CAMK2B: variants seen among roughly 807,000 people sequenced by gnomAD.
The protein encoded by CAMK2B is calcium/calmodulin dependent protein kinase II beta, also known as calcium/calmodulin-dependent protein kinase type II subunit beta.
Under a neutral mutation model 93.7 loss-of-function variants are expected in CAMK2B, and 27 were observed. The observed-to-expected ratio is 0.29, with a 90% CI of 0.21 to 0.40. The LOEUF (loss-of-function observed/expected upper bound fraction) is 0.40. Ranked by LOEUF, CAMK2B falls within the 10% of genes least tolerant of loss-of-function variation. The pLI is 1.00. For missense variants in CAMK2B, 568 were observed against 895.8 expected, an observed-to-expected ratio of 0.63 and a Z score of 4.67; for synonymous variants, 374 against 358.8, an observed-to-expected ratio of 1.04 and a Z score of -0.48.
intron 1 of CAMK2B, among the ~76,000 whole-genome samples, chr7:44,296,768 T>C (rs539085676): frequency 2.0e-5 from 3 of 152,140 alleles, no homozygotes; most frequent in Non-Finnish European, 4.4e-5. Flanking sequence ...TGGAGTAAAA[T>C]ATCTAAAGTG....
intron 1 of CAMK2B, among the ~76,000 whole-genome samples, chr7:44,284,820 G>A (rs1784617422): frequency 6.6e-6 from 1 of 152,208 alleles, no homozygotes; most frequent in South Asian, 2.1e-4. Flanking sequence ...AAAGCTGGAG[G>A]AGAGGGTCCT....
chr7:44,228,663 G>T, intron 19 of CAMK2B, 133 bp downstream of exon 19: 1 of 829,726 alleles, frequency 1.2e-6, no homozygotes, highest in Admixed American at 3.6e-5. Flanking sequence ...AGCCCCGCCA[G>T]GGCAGGACTC....
rs113959672 is a variant in CAMK2B at position 44,250,807 on chromosome 7, C to T, written c.342-3615G>A. On this transcript the variant is annotated intron_variant, in intron 5 of 23. Coordinates refer to ENST00000395749, the MANE Select transcript of CAMK2B (RefSeq NM_001220.5). ...CCTCCCAGAGTGCTGGGATTACAGG[C>T]GTGAGCCACCGTGCCTGGCCACCAC... Among the ~76,000 whole-genome samples the T allele has an allele frequency of 2.4e-3, 369 of 152,314 alleles. 1 individual carries two copies. Among genetic ancestry groups the T allele is most frequent in the South Asian group, 0.021 (103 of 4,826 alleles).
chr7:44,305,395 G>A (rs1791183775), intron 1 of CAMK2B, among the ~76,000 whole-genome samples: 1 of 152,158 alleles, frequency 6.6e-6, no homozygotes, highest in Non-Finnish European at 1.5e-5. Flanking sequence ...AAGGTGGGAG[G>A]ATTGCTTGAG....
At chr7:44,244,881 C>T (rs1398458954) in intron 6 of CAMK2B, 1 of 454,018 alleles carries the variant, frequency 2.2e-6, no homozygotes, top group Admixed American at 2.4e-5. Flanking sequence ...CCCCCACCTC[C>T]ACCTCCTCGT....
In CAMK2B at chr7:44,226,553, G is replaced by A; in HGVS notation, c.1560C>T (p.Cys520=). ...EGPSPVGPPP[C]PSPTIPGPLP... The stretch of plus-strand genomic sequence containing the variant: ...GGGGGCCAGGGATAGTCGGAGATGG[G>A]CAGGGCGGGGGCCCCACTGGCGAGG... The change falls in exon 20 of 24, where the codon TGC becomes TGT. Residue 520 remains cysteine (C), a synonymous_variant. Coordinates refer to ENST00000395749, the MANE Select transcript of CAMK2B (RefSeq NM_001220.5). 6.8e-7 allele frequency: 1 copy of A among 1,461,976 alleles called. No individual in the cohort carries two copies. Among genetic ancestry groups the A allele is most frequent in the Non-Finnish European group, 9.0e-7 (1 of 1,112,456 alleles). 90.6% of individuals were successfully genotyped at this position (1,461,976 alleles called of 1,614,324 possible). A position where few individuals can be genotyped will look rare whatever the true frequency, so the allele number is the denominator to read the frequency against.
At chr7:44,220,954 A>C in intron 20 of CAMK2B, 53 bp from the exon 21 acceptor site, 1 of 1,456,274 alleles carries the variant, frequency 6.9e-7, no homozygotes, top group Non-Finnish European at 9.4e-7. Context: ...TTCCCCCCGG[A>C]CCCCTCCACA....
Position 44,234,474 on chromosome 7 carries a change from G to A in CAMK2B, c.1060-13C>T, listed in dbSNP as rs1012239014. 6.4e-7 allele frequency: 1 copy of A among 1,574,252 alleles called. No homozygotes were observed. Among genetic ancestry groups the A allele is most frequent in the African/African-American group, 1.4e-5 (1 of 73,238 alleles). ...TATTCGTCTGGGGCTGTGGAGAGAG[G>A]GAAGAGGAACTCTTAGGTGGGAGAA... On this transcript the variant is annotated splice_polypyrimidine_tract_variant and intron_variant, in intron 14 of 23. Transcript: ENST00000395749.
chr7:44,220,810 A>C lies in CAMK2B; in HGVS notation c.1673+16T>G, dbSNP rs1289795809. 8 of 1,519,292 alleles carry C rather than the reference A, an allele frequency of 5.3e-6. No homozygotes were observed. The highest frequency in any genetic ancestry group is 7.2e-6 in the Non-Finnish European group (8 of 1,115,308). The allele number at this position is 1,519,292 out of a possible 1,614,324, so 94.1% of individuals were successfully genotyped here. A position where few individuals can be genotyped will look rare whatever the true frequency, so the allele number is the denominator to read the frequency against. ...TCCTTGTCCTGCACAGCCCCCCCCC[A>C]GCCCCAGGGACTCACGCGTAGGCCT... On this transcript the variant is annotated intron_variant, in intron 21 of 23. Transcript: ENST00000395749.
intron 1 of CAMK2B, among the ~76,000 whole-genome samples, chr7:44,295,243 A>C (rs992120758): frequency 3.3e-5 from 5 of 152,286 alleles, no homozygotes; most frequent in African/African-American, 1.2e-4. Flanking sequence ...AGCAAAGCTT[A>C]AAACATTGGT....
intron 5 of CAMK2B, among the ~76,000 whole-genome samples, chr7:44,249,448 G>A (rs939796641): frequency 2.0e-5 from 3 of 152,234 alleles, no homozygotes; most frequent in African/African-American, 7.2e-5. Flanking sequence ...TTCATGCACT[G>A]CTGCGTGGTG....
Position 44,227,748 on chromosome 7 carries a change from G to A in CAMK2B, c.1468+1048C>T, listed in dbSNP as rs1379587704. On this transcript the variant is annotated intron_variant, in intron 19 of 23. Transcript: ENST00000395749. ...GACAGAGGGGTATATGGGGGACAGAGGAGGGTGTGGGGGACAGAGGGAGAG... is the reference window on the plus strand; with the variant it reads ...GACAGAGGGGTATATGGGGGACAGAAGAGGGTGTGGGGGACAGAGGGAGAG... Among the ~76,000 whole-genome samples the A allele has an allele frequency of 7.9e-5, 2 of 25,368 alleles. 1 individual carries two copies. Among genetic ancestry groups the A allele is most frequent in the South Asian group, 3.1e-3 (2 of 638 alleles). 16.6% of individuals were successfully genotyped at this position (25,368 alleles called of 152,430 possible). A position where few individuals can be genotyped will look rare whatever the true frequency, so the allele number is the denominator to read the frequency against.
At chr7:44,232,767 C>T in intron 16 of CAMK2B, 55 bp downstream of exon 16, 8 of 1,557,380 alleles carry the variant, frequency 5.1e-6, no homozygotes, top group Non-Finnish European at 7.1e-6. Flanking sequence ...AGACCTCTCT[C>T]CTGGCCTGGA....
chr7:44,229,331 A>AG (rs1159309062), intron 18 of CAMK2B, 57 bp downstream of exon 18: 8 of 1,230,692 alleles, frequency 6.5e-6, no homozygotes, highest in African/African-American at 1.5e-5. Context: ...TGGCCCCTCT[A>AG]GGGGGTTGCC....
At chr7:44,242,369 G>A (rs1397447852) in intron 9 of CAMK2B, 29 bp from the exon 10 acceptor site, 3 of 1,601,618 alleles carry the variant, frequency 1.9e-6, no homozygotes, top group Non-Finnish European at 1.7e-6. Flanking sequence ...CCCCGGCCGG[G>A]CCTGAAGCTC....
chr7:44,269,237 G>A (rs2096949512), intron 2 of CAMK2B, among the ~76,000 whole-genome samples: 1 of 152,210 alleles, frequency 6.6e-6, no homozygotes. Context: ...TGGGGGCAGG[G>A]TAGCCTTCAA....
rs576023601 is a variant in CAMK2B at position 44,221,607 on chromosome 7, C to G, written c.1598-706G>C. ...CTTTTCTCATAGGAGCCGCATCCGG[C>G]TGGCTCCACCTGCTTGCAGTCCGGG... is the stretch of plus-strand genomic sequence containing the variant. On this transcript the variant is annotated intron_variant, in intron 20 of 23. Transcript: ENST00000395749. Among the ~76,000 whole-genome samples, 3 of 152,382 alleles carry G rather than the reference C, an allele frequency of 2.0e-5. No individual in the cohort carries two copies. The South Asian group carries it at 6.2e-4, about 32-fold the overall frequency.
intron 18 of CAMK2B, 89 bp downstream of exon 18, chr7:44,229,299 C>A: frequency 1.2e-6 from 1 of 848,854 alleles, no homozygotes; most frequent in South Asian, 1.8e-5. Flanking sequence ...GGTCCACGCT[C>A]AGCCTGCCCT....
At position 44,218,769 on chromosome 7, in the gene CAMK2B, T is replaced by C. The variant is rs1436667835; in HGVS notation, c.*756A>G. The C allele has an allele frequency of 1.3e-5, 2 of 152,286 alleles. No homozygotes were observed. Among genetic ancestry groups the C allele is most frequent in the Non-Finnish European group, 2.9e-5 (2 of 68,136 alleles). 9.4% of individuals were successfully genotyped at this position (152,286 alleles called of 1,614,324 possible). On this transcript the variant is annotated 3_prime_UTR_variant, in exon 24 of 24. Transcript: ENST00000395749. ...GACCAGAGCTGGAGCCCTGGGTGTG[T>C]AGGGGCATCTCTGAAGGCCTTGGGG...
Sources: gnomAD v4.1 joint callset for allele counts (sites outside exome capture counted in the v4.1 genomes callset) on GRCh38, gnomAD v4.1.1 for gene constraint, MANE v1.5 for transcripts, NCBI Gene and HGNC (gene_info 2026-07-23, HGNC 2026-07-21) for gene names.